DOCK3: variants seen among roughly 807,000 people sequenced by gnomAD.
DOCK3 encodes dedicator of cytokinesis protein 3.
In DOCK3, 60 loss-of-function variants were observed where a neutral mutation model predicts 265.6. That is an observed-to-expected ratio of 0.23 (90% CI 0.18 to 0.28). DOCK3 has a LOEUF of 0.28. Among genes scored for constraint, DOCK3 ranks in the 10% least tolerant of loss-of-function variants. The probability of loss-of-function intolerance (pLI) is 1.00; values close to 1 mark genes in which losing one functional copy is unlikely to be tolerated. For synonymous variants in DOCK3, 881 were observed against 938.0 expected (o/e 0.94, Z 1.11); for missense variants, 1,981 against 2,594.3 (o/e 0.76, Z 5.14).
intron 4 of DOCK3, among the ~76,000 whole-genome samples, chr3:50,911,395 A>AT (rs1197331037): frequency 1.3e-5 from 2 of 152,090 alleles, no homozygotes; most frequent in Non-Finnish European, 2.9e-5. Context: ...TATTCCTAGC[A>AT]CCATTGATTG....
At chr3:51,210,139 T>C (rs1270141387) in intron 13 of DOCK3, among the ~76,000 whole-genome samples, 1 of 152,156 alleles carries the variant, frequency 6.6e-6, no homozygotes, top group South Asian at 2.1e-4. Flanking sequence ...TTAAAACATA[T>C]AGAGAATATT....
chr3:51,041,144 C>A (rs1303311311), intron 5 of DOCK3, among the ~76,000 whole-genome samples: 1 of 121,262 alleles, frequency 8.2e-6, no homozygotes, highest in Non-Finnish European at 1.6e-5. Flanking sequence ...ATCTATGGCA[C>A]CTACAGCCTT....
rs373679041 is a variant in DOCK3, at chr3:51,208,783, C to T, written c.1047C>T (p.Asn349=). ...TGTCCTTCTGTTACAGGTGCAACAA[C>T]GAGAGTGAGTGGTCCCAGATCCACG... is the stretch of plus-strand genomic sequence containing the variant. The part of the protein sequence containing the change: ...DFVLKVYTCN[N]ESEWSQIHEN... The change falls in exon 13 of 53, where the codon AAC becomes AAT. Residue 349 remains asparagine, a synonymous_variant. Coordinates refer to ENST00000266037, the MANE Select transcript of DOCK3 (RefSeq NM_004947.5). 142 of 1,609,404 alleles carry T rather than the reference C, an allele frequency of 8.8e-5. No homozygotes were observed. Among genetic ancestry groups the T allele is most frequent in the South Asian group, 7.8e-4 (70 of 89,740 alleles).
intron 9 of DOCK3, among the ~76,000 whole-genome samples, chr3:51,139,106 T>TACAGTA (rs2084932274): frequency 6.6e-6 from 1 of 152,128 alleles, no homozygotes; most frequent in Admixed American, 6.5e-5. Flanking sequence ...GTACTAGGGG[T>TACAGTA]CATCTTCACT....
chr3:51,032,070 TA>T (rs1390205138), intron 5 of DOCK3, among the ~76,000 whole-genome samples: 1 of 152,022 alleles, frequency 6.6e-6, no homozygotes, highest in African/African-American at 2.4e-5. Context: ...ACCTTCCACA[TA>T]GACATCAGTT....
At chr3:51,228,433 G>A (rs2090419141) in intron 17 of DOCK3, among the ~76,000 whole-genome samples, 1 of 152,114 alleles carries the variant, frequency 6.6e-6, no homozygotes, top group African/African-American at 2.4e-5. Flanking sequence ...GCCACCCAAG[G>A]TTACTTGCAC....
chr3:51,186,782 G>C (rs2087629432), intron 12 of DOCK3, among the ~76,000 whole-genome samples: 1 of 152,224 alleles, frequency 6.6e-6, no homozygotes, highest in African/African-American at 2.4e-5. Flanking sequence ...CAAGCCTCAA[G>C]CCTTGGCAGC....
chr3:51,011,910 G>C (rs2078968052), intron 5 of DOCK3, among the ~76,000 whole-genome samples: 1 of 152,176 alleles, frequency 6.6e-6, no homozygotes. Context: ...GTTTGTCTGG[G>C]TATCAGCAGC....
chr3:50,704,926 G>A (rs1160905471), intron 1 of DOCK3, among the ~76,000 whole-genome samples: 1 of 151,986 alleles, frequency 6.6e-6, no homozygotes, highest in African/African-American at 2.4e-5. Context: ...ACCACGCCCG[G>A]CCTCTATATC....
chr3:50,852,665 C>G (rs1400931678), intron 3 of DOCK3, among the ~76,000 whole-genome samples: 5 of 152,034 alleles, frequency 3.3e-5, no homozygotes, highest in African/African-American at 1.2e-4. Flanking sequence ...TTTTCTTGAT[C>G]AAGTCTAACT....
At chr3:51,189,768 T>A (rs1166436351) in intron 12 of DOCK3, among the ~76,000 whole-genome samples, 1 of 152,222 alleles carries the variant, frequency 6.6e-6, no homozygotes, top group Non-Finnish European at 1.5e-5. Context: ...TTCCTCTGGG[T>A]AAATACCCAG....
chr3:51,377,932 C>A (rs1385829382), intron 51 of DOCK3, among the ~76,000 whole-genome samples: 1 of 152,308 alleles, frequency 6.6e-6, no homozygotes, highest in African/African-American at 2.4e-5. Context: ...TTCCTATTCC[C>A]TGATATTTCT....
At chr3:50,879,165 T>A (rs1449687471) in intron 3 of DOCK3, among the ~76,000 whole-genome samples, 4 of 152,226 alleles carry the variant, frequency 2.6e-5, no homozygotes, top group African/African-American at 9.6e-5. Context: ...TACTAGCCAC[T>A]GCAAAAACAT....
At chr3:50,963,196 A>G (rs114446052) in intron 5 of DOCK3, among the ~76,000 whole-genome samples, 266 of 152,292 alleles carry the variant, frequency 1.7e-3, no homozygotes, top group Non-Finnish European at 3.3e-3. Flanking sequence ...CAAAAACAAA[A>G]AAATAAATTG....
At chr3:50,720,604 C>T (rs2037417766) in intron 1 of DOCK3, among the ~76,000 whole-genome samples, 1 of 152,178 alleles carries the variant, frequency 6.6e-6, no homozygotes, top group South Asian at 2.1e-4. Flanking sequence ...AGAACATACA[C>T]ATGCATATGT....
intron 47 of DOCK3, 97 bp downstream of exon 47, chr3:51,360,729 C>T (rs1189445606): frequency 1.1e-5 from 17 of 1,507,968 alleles, no homozygotes; most frequent in Non-Finnish European, 1.4e-5. Flanking sequence ...CATATTCCCT[C>T]TTACCCATGC....
At chr3:51,016,070 A>G (rs1477529449) in intron 5 of DOCK3, among the ~76,000 whole-genome samples, 94 of 3,982 alleles carry the variant, frequency 0.024, 39 homozygotes, top group Non-Finnish European at 0.03. Flanking sequence ...ATTTCTACAT[A>G]ATATATATCA....
chr3:50,986,742 T>C (rs1418671127), intron 5 of DOCK3, among the ~76,000 whole-genome samples: 1 of 152,262 alleles, frequency 6.6e-6, no homozygotes, highest in East Asian at 1.9e-4. Context: ...TGAGACAGAT[T>C]AAATTACCTA....
chr3:50,746,926 G>A (rs2039482691), intron 1 of DOCK3, among the ~76,000 whole-genome samples: 1 of 151,952 alleles, frequency 6.6e-6, no homozygotes, highest in Non-Finnish European at 1.5e-5. Context: ...GGGATTTGGA[G>A]GGAACAGACA....
Sources: allele counts gnomAD v4.1 joint callset (sites outside exome capture counted in the v4.1 genomes callset), GRCh38; gene constraint gnomAD v4.1.1; transcripts MANE v1.5; gene names NCBI Gene and HGNC (gene_info 2026-07-23, HGNC 2026-07-21).